The following JMJD1C variants were observed in gnomAD, a reference collection of about 807,000 sequenced individuals.
The protein encoded by JMJD1C is jumonji domain containing 1C.
Under a neutral mutation model 245.3 loss-of-function variants are expected in JMJD1C, and 31 were observed. The ratio of observed to expected loss-of-function variants is 0.13; its 90% CI spans 0.09 to 0.17. JMJD1C has a LOEUF of 0.17. JMJD1C is among the 10% of genes least tolerant of loss of function. The probability of loss-of-function intolerance (pLI) is 1.00; values close to 1 mark genes in which losing one functional copy is unlikely to be tolerated. For synonymous variants in JMJD1C, 1,057 were observed against 1,017.4 expected (o/e 1.04, Z -0.74); for missense variants, 2,691 against 3,000.2 (o/e 0.90, Z 2.41).
chr10:63,368,785 C>A (rs977046030), intron 2 of JMJD1C, among the ~76,000 whole-genome samples: 4 of 152,116 alleles, frequency 2.6e-5, no homozygotes, highest in African/African-American at 9.7e-5. Flanking sequence ...CTCCCAGGTT[C>A]AAGCGATTTT....
intron 2 of JMJD1C, among the ~76,000 whole-genome samples, chr10:63,308,217 A>AT (rs1938568696): frequency 6.6e-6 from 1 of 152,048 alleles, no homozygotes; most frequent in African/African-American, 2.4e-5. Context: ...AACTTCAGCC[A>AT]TTTTCCCCGA....
At chr10:63,417,374 A>T (rs1949869819) in intron 1 of JMJD1C, among the ~76,000 whole-genome samples, 2 of 152,206 alleles carry the variant, frequency 1.3e-5, no homozygotes, top group Admixed American at 1.3e-4. Context: ...ATGTAGTTAA[A>T]TACTCAAATT....
chr10:63,178,957 C>A (rs945684858), intron 22 of JMJD1C, among the ~76,000 whole-genome samples: 5 of 152,162 alleles, frequency 3.3e-5, no homozygotes, highest in Middle Eastern at 3.4e-3. Flanking sequence ...TATTGCCTAG[C>A]GGTGATGTCT....
At chr10:63,288,698 G>C (rs1858270807) in intron 2 of JMJD1C, among the ~76,000 whole-genome samples, 2 of 151,926 alleles carry the variant, frequency 1.3e-5, no homozygotes, top group Admixed American at 1.3e-4. Context: ...TGGCCAACAT[G>C]GCAAAACCCC....
chr10:63,186,653 T>G (rs1336262986), intron 18 of JMJD1C, among the ~76,000 whole-genome samples: 1 of 152,170 alleles, frequency 6.6e-6, no homozygotes, highest in Non-Finnish European at 1.5e-5. Context: ...CCCTCACAGC[T>G]TTCTTACACT....
intron 1 of JMJD1C, among the ~76,000 whole-genome samples, chr10:63,440,340 G>GAA (rs199670163): frequency 0.018 from 1,601 of 89,652 alleles, 36 homozygotes; most frequent in African/African-American, 0.053. Context: ...TGTCTCAAAA[G>GAA]AAAAAAAAAA....
In JMJD1C at chr10:63,354,979, C is replaced by G. The variant is rs553190839; in HGVS notation, c.333+25339G>C. On this transcript the variant is annotated intron_variant, in intron 2 of 25. Transcript: ENST00000399262. The stretch of plus-strand genomic sequence containing the variant: ...TGGAAGTTGCAGTGAGCCAAGACTG[C>G]ACTACTGCACTCCAGCCTGGGTGAC... 4.1e-4 allele frequency among the ~76,000 whole-genome samples: 62 copies of G among 151,892 alleles called. No individual in the cohort carries two copies. The South Asian group carries it at 0.01, about 25-fold the overall frequency.
At chr10:63,177,952 T>G in intron 22 of JMJD1C, 96 bp from the exon 23 acceptor site, 2 of 1,281,054 alleles carry the variant, frequency 1.6e-6, no homozygotes, top group East Asian at 4.8e-5. Flanking sequence ...AGTGCCTGAC[T>G]AGGATCAGTA....
chr10:63,382,048 C>CA lies in JMJD1C; in HGVS notation c.169-1567dup, dbSNP rs1256377483. On this transcript the variant is annotated intron_variant, in intron 1 of 25. Coordinates refer to ENST00000399262, the MANE Select transcript of JMJD1C (RefSeq NM_032776.3). Reference sequence around the variant, plus strand: ...CCACAGAGTGAAACACCATCTCTACCAAAAATACAAAAATTAGCTGGGTGT... The same window carrying CA: ...CCACAGAGTGAAACACCATCTCTACCAAAAAATACAAAAATTAGCTGGGTGT... Among the ~76,000 whole-genome samples the CA allele has an allele frequency of 2.0e-5, 3 of 151,930 alleles. No individual in the cohort carries two copies. The East Asian group carries it at 5.8e-4, about 29-fold the overall frequency.
Position 63,465,862 on chromosome 10 carries a change from C to T in JMJD1C, c.-200G>A, listed in dbSNP as rs1953229148. The stretch of plus-strand genomic sequence containing the variant: ...CTCCCCGCAAACACTCCTTTGGACT[C>T]CCAGATTCGCAGCCTTGTGCTGCAG... On this transcript the variant is annotated 5_prime_UTR_variant, in exon 1 of 26. Coordinates refer to ENST00000399262, the MANE Select transcript of JMJD1C (RefSeq NM_032776.3). 3 of 693,042 alleles carry T rather than the reference C, an allele frequency of 4.3e-6. No homozygotes were observed. Among genetic ancestry groups the T allele is most frequent in the Non-Finnish European group, 7.9e-6 (3 of 381,976 alleles). 42.9% of individuals were successfully genotyped at this position (693,042 alleles called of 1,614,324 possible).
intron 6 of JMJD1C, 47 bp downstream of exon 6, chr10:63,215,506 C>A (rs1217380088): frequency 1.2e-6 from 2 of 1,608,966 alleles, no homozygotes; most frequent in Non-Finnish European, 1.7e-6. Context: ...TTCTACTAGC[C>A]TAAGGAAAAA....
intron 2 of JMJD1C, among the ~76,000 whole-genome samples, chr10:63,284,981 G>A (rs919334138): frequency 6.6e-6 from 1 of 151,698 alleles, no homozygotes; most frequent in Non-Finnish European, 1.5e-5. Flanking sequence ...AATTAAATTA[G>A]CTTGCACATC....
At chr10:63,434,304 C>G (rs564823359) in intron 1 of JMJD1C, among the ~76,000 whole-genome samples, 5 of 152,220 alleles carry the variant, frequency 3.3e-5, no homozygotes, top group African/African-American at 1.2e-4. Flanking sequence ...AATTAAGATG[C>G]AACATACGTT....
At chr10:63,263,923 C>G (rs1855135327) in intron 3 of JMJD1C, among the ~76,000 whole-genome samples, 1 of 136,712 alleles carries the variant, frequency 7.3e-6, no homozygotes, top group Non-Finnish European at 1.5e-5. Flanking sequence ...AAGAGTGAGA[C>G]TCCATCACGG....
chr10:63,477,432 C>A (rs1275751764), intron 1 of JMJD1C, among the ~76,000 whole-genome samples: 2 of 151,468 alleles, frequency 1.3e-5, no homozygotes. Flanking sequence ...ATAAGAGAGT[C>A]CAGAAATAGA....
At chr10:63,392,403 G>T (rs1315775418) in intron 1 of JMJD1C, among the ~76,000 whole-genome samples, 4 of 152,104 alleles carry the variant, frequency 2.6e-5, no homozygotes, top group Admixed American at 6.5e-5. Flanking sequence ...CACGGCAAAG[G>T]AAACAATCAA....
chr10:63,419,937 AGC>A (rs1263634767), intron 1 of JMJD1C, among the ~76,000 whole-genome samples: 1 of 151,772 alleles, frequency 6.6e-6, no homozygotes, highest in Non-Finnish European at 1.5e-5. Flanking sequence ...GGAGTTTGAG[AGC>A]AGCCTGGCCA....
At chr10:63,273,902 C>A (rs1589358268) in intron 2 of JMJD1C, among the ~76,000 whole-genome samples, 1 of 152,244 alleles carries the variant, frequency 6.6e-6, no homozygotes, top group East Asian at 1.9e-4. Context: ...CTTATATGTA[C>A]AATTTTAGGA....
chr10:63,328,360 TA>T (rs1446125823), intron 2 of JMJD1C, among the ~76,000 whole-genome samples: 2 of 152,066 alleles, frequency 1.3e-5, no homozygotes, highest in Non-Finnish European at 2.9e-5. Flanking sequence ...TTGAGAGGAT[TA>T]GGGGAAAAAG....
Sources: gnomAD v4.1 joint callset for allele counts (sites outside exome capture counted in the v4.1 genomes callset) on GRCh38, gnomAD v4.1.1 for gene constraint, MANE v1.5 for transcripts, NCBI Gene and HGNC (gene_info 2026-07-23, HGNC 2026-07-21) for gene names.